PTK2: variants seen among roughly 807,000 people sequenced by gnomAD.
The protein encoded by PTK2 is protein tyrosine kinase 2, also known as focal adhesion kinase 1.
PTK2 carries 45 observed loss-of-function variants against 150.1 expected under a neutral mutation model. The observed-to-expected ratio is 0.30, with a 90% CI of 0.24 to 0.38. The LOEUF is 0.38. PTK2 is among the 10% of genes least tolerant of loss of function. The probability of loss-of-function intolerance (pLI) is 1.00; values close to 1 mark genes in which losing one functional copy is unlikely to be tolerated. For missense variants in PTK2, 919 were observed against 1,307.3 expected (o/e 0.70, Z 4.58); for synonymous variants, 432 against 449.2 (o/e 0.96, Z 0.48).
intron 1 of PTK2, among the ~76,000 whole-genome samples, chr8:140,964,142 C>A (rs1328706254): frequency 6.6e-6 from 1 of 151,688 alleles, no homozygotes; most frequent in Non-Finnish European, 1.5e-5. Context: ...CCATGACCCT[C>A]CTCCCACCTA....
intron 1 of PTK2, among the ~76,000 whole-genome samples, chr8:140,943,185 C>G (rs2100176448): frequency 6.6e-6 from 1 of 152,158 alleles, no homozygotes; most frequent in Non-Finnish European, 1.5e-5. Flanking sequence ...GTGTAACCAC[C>G]ACCACGCTGA....
intron 12 of PTK2, 60 bp from the exon 13 acceptor site, chr8:140,793,444 G>C (rs2100089788): frequency 1.3e-6 from 2 of 1,573,500 alleles, no homozygotes. Context: ...AAAAGATGGT[G>C]CCTAGAATCA....
intron 3 of PTK2, among the ~76,000 whole-genome samples, chr8:140,880,899 T>C (rs978382460): frequency 6.6e-6 from 1 of 152,148 alleles, no homozygotes; most frequent in African/African-American, 2.4e-5. Context: ...ACTGAGTGAA[T>C]GAAGTGGTAG....
intron 26 of PTK2, among the ~76,000 whole-genome samples, chr8:140,695,183 C>T (rs2100025778): frequency 6.6e-6 from 1 of 152,118 alleles, no homozygotes; most frequent in Admixed American, 6.5e-5. Flanking sequence ...TTGGTGACAC[C>T]AATGCTATGA....
Position 140,668,183 on chromosome 8 carries a change from G to C in PTK2, c.2865+86C>G, listed in dbSNP as rs112978533. 806 of 1,501,594 alleles carry C rather than the reference G, an allele frequency of 5.4e-4. 12 individuals are homozygous for C. The African/African-American group carries it at 9.0e-3, about 17-fold the overall frequency. 93.0% of individuals were successfully genotyped at this position (1,501,594 alleles called of 1,614,324 possible). A position where few individuals can be genotyped will look rare whatever the true frequency, so the allele number is the denominator to read the frequency against. ...TCAGTTCTGACTTTGGTGGGGCGGGGGGACCTAGAGACATCTATCAACTGG... is the reference window on the plus strand; with the variant it reads ...TCAGTTCTGACTTTGGTGGGGCGGGCGGACCTAGAGACATCTATCAACTGG... On this transcript the variant is annotated intron_variant, in intron 30 of 31. Coordinates refer to ENST00000522684, the Ensembl canonical transcript of PTK2.
At chr8:140,762,382 T>C in intron 15 of PTK2, 2 of 1,176,190 alleles carry the variant, frequency 1.7e-6, no homozygotes, top group Non-Finnish European at 2.1e-6. Flanking sequence ...ATCTATTCCA[T>C]AGCTTTCTGT....
At chr8:140,850,916 G>A (rs1754504644) in intron 5 of PTK2, among the ~76,000 whole-genome samples, 1 of 152,146 alleles carries the variant, frequency 6.6e-6, no homozygotes, top group Non-Finnish European at 1.5e-5. Flanking sequence ...ATAATGTATT[G>A]CATATGTCAA....
chr8:140,945,544 C>A (rs897519086), intron 1 of PTK2, among the ~76,000 whole-genome samples: 1 of 152,058 alleles, frequency 6.6e-6, no homozygotes, highest in African/African-American at 2.4e-5. Context: ...TATGAACATG[C>A]CACTCACTGT....
chr8:140,748,625 T>G (rs890288172), intron 17 of PTK2, among the ~76,000 whole-genome samples: 15 of 152,164 alleles, frequency 9.9e-5, no homozygotes, highest in African/African-American at 3.6e-4. Context: ...GAGAGTCTGA[T>G]GCTAAATGTG....
chr8:140,706,814 T>C (rs184695682), intron 23 of PTK2, among the ~76,000 whole-genome samples: 1 of 152,148 alleles, frequency 6.6e-6, no homozygotes, highest in Non-Finnish European at 1.5e-5. Context: ...GAGAGTTGCT[T>C]GAGCCGAGGA....
At chr8:140,908,686 T>G (rs1379984157) in intron 2 of PTK2, among the ~76,000 whole-genome samples, 1 of 151,574 alleles carries the variant, frequency 6.6e-6, no homozygotes, top group Non-Finnish European at 1.5e-5. Flanking sequence ...AGATAAGATT[T>G]GGGGGGGGAC....
At chr8:140,950,717 T>C (rs1437939909) in intron 1 of PTK2, among the ~76,000 whole-genome samples, 5 of 152,192 alleles carry the variant, frequency 3.3e-5, no homozygotes, top group African/African-American at 9.6e-5. Flanking sequence ...GTGACACTAT[T>C]AGTAGTTAGG....
chr8:140,924,203 C>T (rs927936647), intron 2 of PTK2, among the ~76,000 whole-genome samples: 3 of 152,108 alleles, frequency 2.0e-5, no homozygotes, highest in Admixed American at 6.5e-5. Flanking sequence ...CTCTTGCCCC[C>T]GCGTTATCCA....
chr8:140,919,376 C>G (rs114365907), intron 2 of PTK2, among the ~76,000 whole-genome samples: 59 of 152,272 alleles, frequency 3.9e-4, no homozygotes, highest in African/African-American at 1.3e-3. Flanking sequence ...TTGGGGTGAG[C>G]AAAAACACTA....
intron 22 of PTK2, among the ~76,000 whole-genome samples, chr8:140,723,419 A>C (rs943730124): frequency 2.0e-5 from 3 of 152,224 alleles, no homozygotes; most frequent in South Asian, 2.1e-4. Context: ...AGAGGAACCA[A>C]GAATATAAAT....
At chr8:140,708,413 C>T (rs1320766345) in intron 23 of PTK2, among the ~76,000 whole-genome samples, 1 of 152,156 alleles carries the variant, frequency 6.6e-6, no homozygotes, top group Non-Finnish European at 1.5e-5. Context: ...CGCAACAGCT[C>T]GTGATTTTGC....
rs869199304 is a variant in PTK2 at position 140,676,765 on chromosome 8, T to TAA, written c.2563-1268_2563-1267dup. Among the ~76,000 whole-genome samples, 36 of 55,572 alleles carry TAA rather than the reference T, an allele frequency of 6.5e-4. 2 individuals are homozygous for TAA. The highest frequency in any genetic ancestry group is 2.9e-3 in the African/African-American group (34 of 11,748). The allele number at this position is 55,572 out of a possible 152,430, so 36.5% of individuals were successfully genotyped here. On this transcript the variant is annotated intron_variant, in intron 27 of 31. Transcript: ENST00000522684. ...ACATGGTGAAACCCCGTCTCTACTT[T>TAA]AAAAAAAAAAAAAAAAAAAAAAAAT...
intron 12 of PTK2, among the ~76,000 whole-genome samples, chr8:140,797,291 T>G (rs1030992414): frequency 3.3e-5 from 5 of 152,226 alleles, no homozygotes; most frequent in African/African-American, 1.2e-4. Context: ...TGTCTTTTAC[T>G]GAATGAGCTG....
chr8:140,910,421 A>T (rs1454787502), intron 2 of PTK2, among the ~76,000 whole-genome samples: 1 of 152,158 alleles, frequency 6.6e-6, no homozygotes. Flanking sequence ...AATTTTAAAC[A>T]AAAGTATGTA....
Sources: allele counts gnomAD v4.1 joint callset (sites outside exome capture counted in the v4.1 genomes callset), GRCh38; gene constraint gnomAD v4.1.1; transcripts MANE v1.5; gene names NCBI Gene and HGNC (gene_info 2026-07-23, HGNC 2026-07-21).